The following ARSG variants were observed in gnomAD, a reference collection of about 807,000 sequenced individuals.
ARSG encodes the protein arylsulfatase G, also known as ASG.
In ARSG, 37 loss-of-function variants were observed where a neutral mutation model predicts 50.5. That is an observed-to-expected ratio of 0.73 (90% CI 0.56 to 0.96). The LOEUF (loss-of-function observed/expected upper bound fraction) is 0.96. Ranked by LOEUF, ARSG falls within the 50% of genes least tolerant of loss-of-function variation. The pLI is 0.00. For missense variants in ARSG, 629 were observed against 675.3 expected (o/e 0.93, Z 0.76); for synonymous variants, 225 against 254.6 (o/e 0.88, Z 1.11).
chr17:68,277,419 C>A (rs184704363), intron 1 of ARSG, among the ~76,000 whole-genome samples: 1 of 151,402 alleles, frequency 6.6e-6, no homozygotes, highest in South Asian at 2.1e-4. Flanking sequence ...CGTGAGCCAC[C>A]GCGCCCGGCC....
At chr17:68,379,692 T>G (rs2080335527) in intron 8 of ARSG, among the ~76,000 whole-genome samples, 1 of 152,096 alleles carries the variant, frequency 6.6e-6, no homozygotes, top group South Asian at 2.1e-4. Context: ...AAGGAACACA[T>G]GTTTGTTTTT....
rs142933223 is a variant in ARSG, at chr17:68,420,445, C to A, written c.1560C>A (p.Cys520Ter). Residue 520 changes from cysteine to a stop codon, truncating the protein, a stop_gained, in exon 12 of 12, where the codon TGC becomes TGA. Coordinates refer to ENST00000621439, the MANE Select transcript of ARSG (RefSeq NM_001267727.2). LOFTEE classifies it high-confidence loss of function. ...TPCCNPYQIA[C>*]RCQAA ...GCTGTAATCCCTACCAAATTGCCTGCCGCTGTCAAGCCGCATAACAGACCA... is the reference window on the plus strand; with the variant it reads ...GCTGTAATCCCTACCAAATTGCCTGACGCTGTCAAGCCGCATAACAGACCA... 4.1e-5 allele frequency: 66 copies of A among 1,613,874 alleles called. No homozygotes were observed. The highest frequency in any genetic ancestry group is 5.1e-5 in the Non-Finnish European group (60 of 1,179,872).
the ARSG span, among the ~76,000 whole-genome samples, chr17:68,445,239 G>A: frequency 6.6e-6 from 1 of 152,128 alleles, no homozygotes; most frequent in African/African-American, 2.4e-5. Context: ...AACACTTTCT[G>A]ATCAGACCCC....
chr17:68,398,917 G>A (rs568851469), intron 10 of ARSG, among the ~76,000 whole-genome samples: 2 of 152,350 alleles, frequency 1.3e-5, no homozygotes, highest in South Asian at 4.1e-4. Flanking sequence ...TGAGGGCTGG[G>A]AAGGGGAGGG....
chr17:68,308,309 G>T (rs1299822023), intron 2 of ARSG, among the ~76,000 whole-genome samples: 1 of 152,282 alleles, frequency 6.6e-6, no homozygotes, highest in Non-Finnish European at 1.5e-5. Context: ...AAGGTGGCAC[G>T]TCTGGAGTTT....
chr17:68,439,661 T>G, the ARSG span, among the ~76,000 whole-genome samples: 7 of 152,216 alleles, frequency 4.6e-5, no homozygotes, highest in Non-Finnish European at 1.0e-4. Context: ...AAATTTTATT[T>G]TAAGGCATGT....
At position 68,339,353 on chromosome 17, in the gene ARSG, A is replaced by G. The variant is rs114149323; in HGVS notation, c.219-4251A>G. On this transcript the variant is annotated intron_variant, in intron 2 of 11. Transcript: ENST00000621439. ...TAAAAAAATAAAAAAGAGGAATATT[A>G]TTCTTCCATATGCCTATAATACTGT... 4.2e-3 allele frequency among the ~76,000 whole-genome samples: 639 copies of G among 152,334 alleles called. 3 individuals carry two copies. The highest frequency in any genetic ancestry group is 0.015 in the African/African-American group (610 of 41,598).
chr17:68,441,661 G>A, the ARSG span, among the ~76,000 whole-genome samples: 2 of 152,174 alleles, frequency 1.3e-5, no homozygotes, highest in Admixed American at 6.5e-5. Flanking sequence ...AGAGGGCTGC[G>A]GAGTGAGTCT....
rs149045241 is a variant in ARSG, at chr17:68,376,276, C to CGTTTTTTTTT, written c.982+5752_982+5753insGTTTTTTTTT. The stretch of plus-strand genomic sequence containing the variant: ...CAGGAGTGTGCCACTGCGCCCCCTG[C>CGTTTTTTTTT]ATTTTTTTTTTTTTTTCTGAGATAG... On this transcript the variant is annotated intron_variant, in intron 8 of 11. Transcript: ENST00000621439. Among the ~76,000 whole-genome samples, 3 of 131,964 alleles carry CGTTTTTTTTT rather than the reference C, an allele frequency of 2.3e-5. 1 individual carries two copies. The highest frequency in any genetic ancestry group is 7.9e-5 in the Admixed American group (1 of 12,730). The allele number at this position is 131,964 out of a possible 152,430, so 86.6% of individuals were successfully genotyped here. A position where few individuals can be genotyped will look rare whatever the true frequency, so the allele number is the denominator to read the frequency against.
intron 2 of ARSG, among the ~76,000 whole-genome samples, chr17:68,322,639 T>TA (rs72085510): frequency 1.4e-4 from 19 of 138,440 alleles, no homozygotes; most frequent in East Asian, 8.3e-4. Context: ...AAAAAAAAAT[T>TA]AAAAAAAAAA....
intron 2 of ARSG, among the ~76,000 whole-genome samples, chr17:68,342,152 T>C (rs1180215724): frequency 1.3e-5 from 2 of 152,176 alleles, no homozygotes; most frequent in East Asian, 1.9e-4. Flanking sequence ...AATAGTTATG[T>C]TCTATCAAGC....
rs762466657 is a variant in ARSG, at chr17:68,346,866, G to A, written c.407-259G>A. On this transcript the variant is annotated intron_variant, in intron 3 of 11. Coordinates refer to ENST00000621439, the MANE Select transcript of ARSG (RefSeq NM_001267727.2). Reference sequence around the variant, plus strand: ...GAGGGGCAGAGGCTCAGGCTTCTCCGGGCTCCTGGTGATGGGCTGTCTTCC... The same window carrying A: ...GAGGGGCAGAGGCTCAGGCTTCTCCAGGCTCCTGGTGATGGGCTGTCTTCC... 83 of 1,417,846 alleles carry A rather than the reference G, an allele frequency of 5.9e-5. No homozygotes were observed. In the South Asian group the frequency reaches 6.1e-4, roughly 10 times the overall value. The allele number at this position is 1,417,846 out of a possible 1,614,324, so 87.8% of individuals were successfully genotyped here.
chr17:68,260,380 G>A lies in ARSG; in HGVS notation c.-552+954G>A, dbSNP rs1358729218. On this transcript the variant is annotated intron_variant, in intron 1 of 11. Transcript: ENST00000448504. ...GGGTTGTTTACAAGGGATTATACAC[G>A]ATTAAACTGTCAATTTCTTTTCTGT... 3.3e-5 allele frequency among the ~76,000 whole-genome samples: 5 copies of A among 152,304 alleles called. 1 individual carries two copies. The East Asian group carries it at 7.7e-4, about 23-fold the overall frequency.
chr17:68,358,487 G>A (rs1008782012), intron 6 of ARSG, among the ~76,000 whole-genome samples: 2 of 151,890 alleles, frequency 1.3e-5, no homozygotes, highest in South Asian at 2.1e-4. Context: ...TCAGGAGTTC[G>A]AAACCAGCCT....
chr17:68,424,255 C>T (rs1015574533), downstream of ARSG, among the ~76,000 whole-genome samples: 1 of 152,138 alleles, frequency 6.6e-6, no homozygotes, highest in African/African-American at 2.4e-5. Context: ...TGACAACCTG[C>T]CTATTGAAAG....
rs944810369 is a variant in ARSG, at chr17:68,347,159, C to A, written c.441C>A (p.His147Gln). Residue 147 changes from histidine to glutamine, a missense_variant, in exon 4 of 12, where the codon CAC becomes CAA. Transcript: ENST00000621439. ...ATCTTGGACACCACGGCTCTTATCA[C>A]CCCAACTTCCGTGGTAAGAATTCTT... ...KWHLGHHGSY[H>Q]PNFRGFDYYF... 6.2e-7 allele frequency: 1 copy of A among 1,613,908 alleles called. No homozygotes were observed. The highest frequency in any genetic ancestry group is 1.3e-5 in the African/African-American group (1 of 74,934).
At chr17:68,429,782 T>A in the ARSG span, among the ~76,000 whole-genome samples, 1 of 152,094 alleles carries the variant, frequency 6.6e-6, no homozygotes, top group Non-Finnish European at 1.5e-5. Flanking sequence ...AGAGACGGGA[T>A]TTCACCACGT....
chr17:68,396,015 G>GT (rs200577774), intron 10 of ARSG, among the ~76,000 whole-genome samples: 56,843 of 144,488 alleles, frequency 0.39, 11,839 homozygotes, highest in Non-Finnish European at 0.48. Flanking sequence ...TTTTTTTTTT[G>GT]TTTTTTTTTT....
At chr17:68,375,764 G>A (rs2080113697) in intron 8 of ARSG, among the ~76,000 whole-genome samples, 2 of 152,256 alleles carry the variant, frequency 1.3e-5, no homozygotes, top group South Asian at 4.2e-4. Context: ...GCAGGGGTGG[G>A]AACATCGGGG....
Sources: gnomAD v4.1 joint callset for allele counts (sites outside exome capture counted in the v4.1 genomes callset) on GRCh38, gnomAD v4.1.1 for gene constraint, MANE v1.5 for transcripts, NCBI Gene and HGNC (gene_info 2026-07-23, HGNC 2026-07-21) for gene names.